Variants in FADS1 observed in about 807,000 individuals in gnomAD.
FADS1 encodes the protein acyl-CoA (8-3)-desaturase.
In FADS1, 17 loss-of-function variants were observed where a neutral mutation model predicts 61.6. The ratio of observed to expected loss-of-function variants is 0.28; its 90% CI spans 0.19 to 0.41. The LOEUF (loss-of-function observed/expected upper bound fraction) is 0.41. Ranked by LOEUF, FADS1 falls within the 10% of genes least tolerant of loss-of-function variation. The pLI, the probability that FADS1 is intolerant of heterozygous loss-of-function variation, is 1.00. For missense variants in FADS1, 387 were observed against 650.9 expected (o/e 0.59, Z 4.41); for synonymous variants, 238 against 258.7 (o/e 0.92, Z 0.77).
rs2066983206 is a variant in FADS1 at position 61,816,361 on chromosome 11, C to T, written c.375+194G>A. The T allele has an allele frequency of 6.3e-7, 1 of 1,598,352 alleles. No homozygotes were observed. The highest frequency in any genetic ancestry group is 1.3e-5 in the African/African-American group (1 of 74,936). On this transcript the variant is annotated intron_variant, in intron 1 of 11. Transcript: ENST00000350997. The surrounding 1 kb of genome is among the most constrained non-coding windows in gnomAD (Gnocchi z 7.0). Reference sequence around the variant, plus strand: ...CTCCATCCCCACTCCCCAGACTCCACTTCTCCAGGCCTCTCTCCCGCCTTT... The same window carrying T: ...CTCCATCCCCACTCCCCAGACTCCATTTCTCCAGGCCTCTCTCCCGCCTTT...
At chr11:61,804,391 T>A (rs780038089) in intron 7 of FADS1, 1 of 374,936 alleles carries the variant, frequency 2.7e-6, no homozygotes, top group Non-Finnish European at 4.8e-6. Flanking sequence ...TCCTTGAAAG[T>A]AGGTATTGTC....
In FADS1 at chr11:61,812,638, G is replaced by A. The variant is rs1425389075; in HGVS notation, c.517C>T (p.Arg173Trp). 4.3e-6 allele frequency: 7 copies of A among 1,613,970 alleles called. No homozygotes were observed. Among genetic ancestry groups the A allele is most frequent in the Non-Finnish European group, 5.1e-6 (6 of 1,180,014 alleles). Residue 173 changes from arginine (R) to tryptophan (W), a missense_variant, in exon 3 of 12, where the codon CGG becomes TGG. Around this residue, in one of 2 missense-constraint regions of FADS1, gnomAD observed 257 missense variants for 533.3 expected, o/e 0.48. Transcript: ENST00000350997. ...KELTDEFRELRATVERMGLMK... is the reference protein window; with the variant it reads ...KELTDEFRELWATVERMGLMK... ...AGCCCCATCCGCTCCACTGTGGCCCGCAGCTCCCGGAACTCATCTGTCAGC... is the reference window on the plus strand; with the variant it reads ...AGCCCCATCCGCTCCACTGTGGCCCACAGCTCCCGGAACTCATCTGTCAGC...
rs770636597 is a variant in FADS1, at chr11:61,816,308, C to T, written c.375+247G>A. 3.1e-6 allele frequency: 5 copies of T among 1,598,332 alleles called. No individual in the cohort carries two copies. The East Asian group carries it at 1.1e-4, about 36-fold the overall frequency. On this transcript the variant is annotated intron_variant, in intron 1 of 11. Coordinates refer to ENST00000350997, the MANE Select transcript of FADS1 (RefSeq NM_013402.7). This position sits in a 1 kb window ranked among gnomAD's most constrained non-coding sequence, Gnocchi z 7.0. ...GGAATGCACGGCAGGGAGGCGGGACCCTTTGTTTGTGTGTGCGTGTTGTTG... is the reference window on the plus strand; with the variant it reads ...GGAATGCACGGCAGGGAGGCGGGACTCTTTGTTTGTGTGTGCGTGTTGTTG...
intron 7 of FADS1, chr11:61,804,165 C>T (rs2066877638): frequency 4.4e-6 from 1 of 224,878 alleles, no homozygotes; most frequent in Non-Finnish European, 8.8e-6. Context: ...CACAATATGT[C>T]TGGTGGTCAA....
At position 61,810,835 on chromosome 11, in the gene FADS1, A is replaced by G; in HGVS notation, c.831T>C (p.His277=). The change falls in exon 5 of 12, where the codon CAT becomes CAC. Residue 277 remains histidine (H), a synonymous_variant. Coordinates refer to ENST00000350997, the MANE Select transcript of FADS1 (RefSeq NM_013402.7). ...CTTTGCGGAAGCAGTTGGGCTTGGC[A>G]TGGTGCTGGAAGTGCATGTGGTTCC... ...SWWNHMHFQH[H]AKPNCFRKDP... 1 of 1,614,158 alleles carries G rather than the reference A, an allele frequency of 6.2e-7. No individual in the cohort carries two copies. Among genetic ancestry groups the G allele is most frequent in the Non-Finnish European group, 8.5e-7 (1 of 1,180,022 alleles).
Position 61,802,972 on chromosome 11 carries a change from C to A in FADS1, c.1329-46G>T, listed in dbSNP as rs1261847064. The A allele has an allele frequency of 6.2e-7, 1 of 1,613,748 alleles. No individual in the cohort carries two copies. The highest frequency in any genetic ancestry group is 8.5e-7 in the Non-Finnish European group (1 of 1,179,792). The stretch of plus-strand genomic sequence containing the variant: ...TCAGTGGTTCCTGCTTCTCTGCTCC[C>A]ACCTGTACCCAACACTTACACCCTC... On this transcript the variant is annotated intron_variant, in intron 10 of 11. Transcript: ENST00000350997. The surrounding 1 kb of genome is among the most constrained non-coding windows in gnomAD (Gnocchi z 4.2).
At chr11:61,804,817 G>A (rs762959059) in intron 6 of FADS1, 56 bp from the exon 7 acceptor site, 36 of 1,454,466 alleles carry the variant, frequency 2.5e-5, no homozygotes, top group Non-Finnish European at 3.2e-5. Flanking sequence ...TCATGAAAGG[G>A]CCAGTTGATG....
chr11:61,812,462 G>A lies in FADS1; in HGVS notation c.684+9C>T, dbSNP rs768813004. On this transcript the variant is annotated intron_variant, in intron 3 of 11. Transcript: ENST00000350997. Reference sequence around the variant, plus strand: ...ATTGCTGTGCACTTGACAAGCCAAAGGCTCTCACCTGAACTGCACTGAGCA... The same window carrying A: ...ATTGCTGTGCACTTGACAAGCCAAAAGCTCTCACCTGAACTGCACTGAGCA... 1 of 1,613,374 alleles carries A rather than the reference G, an allele frequency of 6.2e-7. No homozygotes were observed. Among genetic ancestry groups the A allele is most frequent in the Non-Finnish European group, 8.5e-7 (1 of 1,179,732 alleles).
chr11:61,816,988 T>A lies in FADS1; in HGVS notation c.-59A>T. On this transcript the variant is annotated 5_prime_UTR_variant, in exon 1 of 12. Coordinates refer to ENST00000350997, the MANE Select transcript of FADS1 (RefSeq NM_013402.7). This position sits in a 1 kb window ranked among gnomAD's most constrained non-coding sequence, Gnocchi z 7.0. ...CGTCCCCCGGTGGGTCTTGGGCAAC[T>A]CACAGCTGGGCTGCCAACACGCGCC... is the stretch of plus-strand genomic sequence containing the variant. 1 of 1,342,608 alleles carries A rather than the reference T, an allele frequency of 7.4e-7. No homozygotes were observed. Among genetic ancestry groups the A allele is most frequent in the South Asian group, 1.9e-5 (1 of 53,360 alleles). 83.2% of individuals were successfully genotyped at this position (1,342,608 alleles called of 1,614,324 possible).
intron 1 of FADS1, chr11:61,814,760 G>T (rs1303547988): frequency 6.6e-6 from 1 of 152,142 alleles, no homozygotes; most frequent in African/African-American, 2.4e-5. Context: ...CAATTGGTGC[G>T]TTTTTACAGA....
chr11:61,803,483 A>G lies in FADS1; in HGVS notation c.1152-24T>C. The G allele has an allele frequency of 6.3e-7, 1 of 1,581,760 alleles. No homozygotes were observed. On this transcript the variant is annotated intron_variant, in intron 8 of 11. Transcript: ENST00000350997. The surrounding 1 kb of genome is among the most constrained non-coding windows in gnomAD (Gnocchi z 4.3). The stretch of plus-strand genomic sequence containing the variant: ...ACCTGTTAGATGTATTACACAGACA[A>G]AAACAGTACACACAGAGCCCAGAAT...
Position 61,802,446 on chromosome 11 carries a change from C to A in FADS1, c.1471G>T (p.Gly491Trp). The A allele has an allele frequency of 6.4e-7, 1 of 1,566,426 alleles. No homozygotes were observed. Among genetic ancestry groups the A allele is most frequent in the East Asian group, 2.4e-5 (1 of 42,516 alleles). Residue 491 changes from glycine to tryptophan, a missense_variant, in exon 12 of 12, where the codon GGG (glycine) becomes TGG (tryptophan). Transcript: ENST00000350997. The surrounding 1 kb of genome is among the most constrained non-coding windows in gnomAD (Gnocchi z 4.2). The part of the protein sequence containing the change: ...ADIIHSLKES[G>W]QLWLDAYLHQ ...AGATAGGCATCTAGCCAGAGCTGCC[C>A]TGACTCCTTTAGTGAGCTGCAGGGA... is the stretch of plus-strand genomic sequence containing the variant.
In FADS1 at chr11:61,803,539, CCTGT is replaced by C; in HGVS notation, c.1152-84_1152-81del. ...TTCCCCCCTCAGATAACTGCTCCAG[CCTGT>C]CTACTTTCCCAAGCCAACTCCTGAA... On this transcript the variant is annotated intron_variant, in intron 8 of 11. Transcript: ENST00000350997. This position sits in a 1 kb window ranked among gnomAD's most constrained non-coding sequence, Gnocchi z 4.3. The C allele has an allele frequency of 7.1e-7, 1 of 1,405,612 alleles. No individual in the cohort carries two copies. The highest frequency in any genetic ancestry group is 1.4e-5 in the African/African-American group (1 of 70,904). 87.1% of individuals were successfully genotyped at this position (1,405,612 alleles called of 1,614,324 possible). A position where few individuals can be genotyped will look rare whatever the true frequency, so the allele number is the denominator to read the frequency against.
intron 2 of FADS1, 60 bp downstream of exon 2, chr11:61,813,182 CA>C: frequency 1.0e-6 from 1 of 998,468 alleles, no homozygotes. Context: ...ACTCTCCTTC[CA>C]CCCCCTCTCT....
Position 61,816,938 on chromosome 11 carries a change from C to T in FADS1, c.-9G>A, listed in dbSNP as rs905067592. ...GCAGCGCGCGTTCCCATTGGCCGAG[C>T]CTCGTGGCGCGGGGAGCGAGATCCC... On this transcript the variant is annotated 5_prime_UTR_variant, in exon 1 of 12. Transcript: ENST00000350997. The surrounding 1 kb of genome is among the most constrained non-coding windows in gnomAD (Gnocchi z 7.0). 2 of 1,380,092 alleles carry T rather than the reference C, an allele frequency of 1.4e-6. No homozygotes were observed. The highest frequency in any genetic ancestry group is 7.6e-5 in the Admixed American group (2 of 26,150). The allele number at this position is 1,380,092 out of a possible 1,614,324, so 85.5% of individuals were successfully genotyped here.
chr11:61,813,266 G>T lies in FADS1; in HGVS notation c.463C>A (p.Pro155Thr). The change falls in exon 2 of 12, where the codon CCC (proline) becomes ACC (threonine). Residue 155 changes from proline (P) to threonine (T), a missense_variant. Pro to Thr is a conservative substitution (Grantham distance 38). Coordinates refer to ENST00000350997, the MANE Select transcript of FADS1 (RefSeq NM_013402.7). The part of the protein sequence containing the change: ...LLIGELSPEQ[P>T]SFEPTKNKEL... ...ACATTCTTGGTGGGCTCAAAGCTGGGCTGCTCTGGAGACAGTTCTCCAATC... is the reference window on the plus strand; with the variant it reads ...ACATTCTTGGTGGGCTCAAAGCTGGTCTGCTCTGGAGACAGTTCTCCAATC... 1 of 1,610,976 alleles carries T rather than the reference G, an allele frequency of 6.2e-7. No homozygotes were observed. Among genetic ancestry groups the T allele is most frequent in the South Asian group, 1.1e-5 (1 of 90,984 alleles).
Position 61,802,459 on chromosome 11 carries a change from T to C in FADS1, c.1458A>G (p.Ser486=). 1 of 1,563,590 alleles carries C rather than the reference T, an allele frequency of 6.4e-7. No homozygotes were observed. The highest frequency in any genetic ancestry group is 8.7e-7 in the Non-Finnish European group (1 of 1,152,896). The change falls in exon 12 of 12, where the codon TCA becomes TCG. Residue 486 remains serine (S), a synonymous_variant. Coordinates refer to ENST00000350997, the MANE Select transcript of FADS1 (RefSeq NM_013402.7). The surrounding 1 kb of genome is among the most constrained non-coding windows in gnomAD (Gnocchi z 4.2). Reference sequence around the variant, plus strand: ...GCCAGAGCTGCCCTGACTCCTTTAGTGAGCTGCAGGGACAAAATGGGGGCA... The same window carrying C: ...GCCAGAGCTGCCCTGACTCCTTTAGCGAGCTGCAGGGACAAAATGGGGGCA... ...LLSAFADIIH[S]LKESGQLWLD...
Position 61,816,371 on chromosome 11 carries a change from C to T in FADS1, c.375+184G>A. On this transcript the variant is annotated intron_variant, in intron 1 of 11. Coordinates refer to ENST00000350997, the MANE Select transcript of FADS1 (RefSeq NM_013402.7). The surrounding 1 kb of genome is among the most constrained non-coding windows in gnomAD (Gnocchi z 7.0). The stretch of plus-strand genomic sequence containing the variant: ...ACTCCCCAGACTCCACTTCTCCAGG[C>T]CTCTCTCCCGCCTTTTCATCCCGCA... 1 of 1,598,460 alleles carries T rather than the reference C, an allele frequency of 6.3e-7. No individual in the cohort carries two copies. Among genetic ancestry groups the T allele is most frequent in the Non-Finnish European group, 8.5e-7 (1 of 1,179,806 alleles).
rs1344852504 is a variant in FADS1, at chr11:61,802,213, TTC to T, written c.*196_*197del. On this transcript the variant is annotated 3_prime_UTR_variant, in exon 12 of 12. Transcript: ENST00000350997. The surrounding 1 kb of genome is among the most constrained non-coding windows in gnomAD (Gnocchi z 4.2). ...CAACAGCTCCTTCCCTCCTAGGGAC[TTC>T]TGTGTCCACCCCCCACTTTGGGTCT... 5.0e-6 allele frequency: 3 copies of T among 600,944 alleles called. No individual in the cohort carries two copies. In the Admixed American group the frequency reaches 8.4e-5, roughly 17 times the overall value. 37.2% of individuals were successfully genotyped at this position (600,944 alleles called of 1,614,324 possible). A position where few individuals can be genotyped will look rare whatever the true frequency, so the allele number is the denominator to read the frequency against.
Sources: allele counts gnomAD v4.1 joint callset, GRCh38; gene constraint gnomAD v4.1.1; regional missense constraint gnomAD v4.1.1; non-coding constraint Gnocchi (gnomAD v3.1); transcripts MANE v1.5; gene names NCBI Gene and HGNC (gene_info 2026-07-23, HGNC 2026-07-21).